The following ZFAND3 variants were observed in gnomAD, a reference collection of about 807,000 sequenced individuals.
ZFAND3 encodes AN1-type zinc finger protein 3.
In ZFAND3, 10 loss-of-function variants were observed where a neutral mutation model predicts 29.6. The ratio of observed to expected loss-of-function variants is 0.34; its 90% CI spans 0.21 to 0.57. The LOEUF is 0.57. ZFAND3 is among the 20% of genes least tolerant of loss of function. The probability of loss-of-function intolerance (pLI) is 0.86; values close to 1 mark genes in which losing one functional copy is unlikely to be tolerated. For missense variants in ZFAND3, 230 were observed against 304.5 expected, an observed-to-expected ratio of 0.76 and a Z score of 1.82; for synonymous variants, 128 against 112.6, an observed-to-expected ratio of 1.14 and a Z score of -0.87.
intron 1 of ZFAND3, among the ~76,000 whole-genome samples, chr6:37,848,295 T>A (rs1764219149): frequency 6.6e-6 from 1 of 152,234 alleles, no homozygotes; most frequent in Admixed American, 6.5e-5. Flanking sequence ...TAGCTTACAT[T>A]GAGATTTGCT....
At chr6:38,036,839 CCTGGTCTG>C (rs1306990272) in intron 2 of ZFAND3, among the ~76,000 whole-genome samples, 6 of 152,046 alleles carry the variant, frequency 3.9e-5, no homozygotes, top group African/African-American at 7.2e-5. Flanking sequence ...GTCTCAAACC[CCTGGTCTG>C]AAGCAATCCT....
intron 3 of ZFAND3, among the ~76,000 whole-genome samples, chr6:38,072,728 G>T (rs1764480737): frequency 6.6e-6 from 1 of 152,078 alleles, no homozygotes; most frequent in Admixed American, 6.5e-5. Flanking sequence ...AATTGTGCTT[G>T]TGAACTTCTT....
chr6:37,926,529 C>T (rs1397833676), intron 1 of ZFAND3, among the ~76,000 whole-genome samples: 2 of 152,188 alleles, frequency 1.3e-5, no homozygotes, highest in African/African-American at 4.8e-5. Flanking sequence ...GCCTCTCTCT[C>T]TTGTGATGTC....
At position 37,930,096 on chromosome 6, in the gene ZFAND3, T is replaced by G. The variant is rs552694087; in HGVS notation, c.112+97T>G. ...GACTAAATCATTTGACCCTAAAGGA[T>G]TTATGCATGGGGTTTTGTTTTCTTA... On this transcript the variant is annotated intron_variant, in intron 2 of 5. Coordinates refer to ENST00000287218, the MANE Select transcript of ZFAND3 (RefSeq NM_021943.3). 245 of 1,205,168 alleles carry G rather than the reference T, an allele frequency of 2.0e-4. 1 individual carries two copies. The highest frequency in any genetic ancestry group is 1.5e-3 in the Middle Eastern group (5 of 3,416). 74.7% of individuals were successfully genotyped at this position (1,205,168 alleles called of 1,614,324 possible).
At chr6:38,059,604 G>A (rs1027491547) in intron 2 of ZFAND3, among the ~76,000 whole-genome samples, 2 of 152,138 alleles carry the variant, frequency 1.3e-5, no homozygotes, top group African/African-American at 2.4e-5. Flanking sequence ...GGCCACAGGC[G>A]CTGTGGCTCA....
chr6:38,028,889 C>G (rs1430087667), intron 2 of ZFAND3, among the ~76,000 whole-genome samples: 2 of 152,100 alleles, frequency 1.3e-5, no homozygotes, highest in Non-Finnish European at 2.9e-5. Context: ...CAGAATAGTC[C>G]ATTCCAAATC....
intron 1 of ZFAND3, among the ~76,000 whole-genome samples, chr6:37,883,956 A>G (rs1180778359): frequency 6.9e-6 from 1 of 145,624 alleles, no homozygotes; most frequent in Non-Finnish European, 1.5e-5. Context: ...TCTGAAGGTT[A>G]TAGTCATCCT....
chr6:38,062,585 T>C (rs1764262972), intron 3 of ZFAND3: 3 of 152,132 alleles, frequency 2.0e-5, no homozygotes, highest in African/African-American at 7.2e-5. Context: ...TTGGCCAAGC[T>C]GGTCTCGAAC....
chr6:37,979,522 G>A (rs1488956926), intron 2 of ZFAND3, among the ~76,000 whole-genome samples: 1 of 152,144 alleles, frequency 6.6e-6, no homozygotes, highest in Non-Finnish European at 1.5e-5. Flanking sequence ...TTGGAGAGGT[G>A]CTCAATGTAG....
chr6:37,835,805 T>TA (rs1177315746), intron 1 of ZFAND3, among the ~76,000 whole-genome samples: 2 of 152,184 alleles, frequency 1.3e-5, no homozygotes, highest in Non-Finnish European at 2.9e-5. Flanking sequence ...TTTTTTCAGT[T>TA]AACGTATCTT....
chr6:38,009,837 G>T (rs1036954514), intron 2 of ZFAND3, among the ~76,000 whole-genome samples: 9 of 152,126 alleles, frequency 5.9e-5, no homozygotes, highest in Non-Finnish European at 5.9e-5. Flanking sequence ...TAACAAATAG[G>T]TTAGAGTTAC....
intron 5 of ZFAND3, among the ~76,000 whole-genome samples, chr6:38,133,441 T>G (rs1686013579): frequency 6.6e-6 from 1 of 152,114 alleles, no homozygotes; most frequent in Non-Finnish European, 1.5e-5. Flanking sequence ...GTTATATCAT[T>G]TGACTCTTAA....
In ZFAND3 at chr6:37,819,823, C is replaced by G; in HGVS notation, c.-123C>G. ...CCGGACTCGCGCCCGCCCGCGCGCC[C>G]GCTCCTTCCCCCTCCCCCCGCCCCG... On this transcript the variant is annotated 5_prime_UTR_variant, in exon 1 of 6. Coordinates refer to ENST00000287218, the MANE Select transcript of ZFAND3 (RefSeq NM_021943.3). The G allele has an allele frequency of 1.6e-6, 1 of 623,896 alleles. No individual in the cohort carries two copies. Among genetic ancestry groups the G allele is most frequent in the East Asian group, 7.6e-5 (1 of 13,076 alleles). 38.6% of individuals were successfully genotyped at this position (623,896 alleles called of 1,614,324 possible). A position where few individuals can be genotyped will look rare whatever the true frequency, so the allele number is the denominator to read the frequency against.
intron 2 of ZFAND3, among the ~76,000 whole-genome samples, chr6:38,022,724 A>G (rs971893761): frequency 7.2e-5 from 11 of 152,204 alleles, no homozygotes; most frequent in African/African-American, 2.4e-4. Context: ...TTGCTTTTCT[A>G]TCCCTTTACC....
At chr6:38,000,495 A>T (rs1453986050) in intron 2 of ZFAND3, among the ~76,000 whole-genome samples, 1 of 152,180 alleles carries the variant, frequency 6.6e-6, no homozygotes, top group Admixed American at 6.6e-5. Context: ...ACAAAGGAGA[A>T]GCAGAGACAC....
intron 1 of ZFAND3, among the ~76,000 whole-genome samples, chr6:37,861,460 C>T (rs1266111203): frequency 2.6e-5 from 4 of 151,688 alleles, no homozygotes; most frequent in Admixed American, 2.0e-4. Context: ...ATAAAAAAGA[C>T]GAGTAGGAAA....
intron 5 of ZFAND3, among the ~76,000 whole-genome samples, chr6:38,141,791 A>C (rs1765961763): frequency 6.6e-6 from 1 of 152,200 alleles, no homozygotes; most frequent in African/African-American, 2.4e-5. Context: ...TGATGGGGGA[A>C]GGGGGTCAGA....
At chr6:37,851,360 G>A (rs376636202) in intron 1 of ZFAND3, among the ~76,000 whole-genome samples, 1 of 151,992 alleles carries the variant, frequency 6.6e-6, no homozygotes, top group African/African-American at 2.4e-5. Context: ...TTCATTTGTG[G>A]CCTTTGGAAA....
chr6:37,888,801 C>T (rs1430636220), intron 1 of ZFAND3, among the ~76,000 whole-genome samples: 2 of 152,096 alleles, frequency 1.3e-5, no homozygotes, highest in Non-Finnish European at 2.9e-5. Context: ...TGAAAGTGGC[C>T]TAAAAAATGC....
Sources: allele counts gnomAD v4.1 joint callset (sites outside exome capture counted in the v4.1 genomes callset), GRCh38; gene constraint gnomAD v4.1.1; transcripts MANE v1.5; gene names NCBI Gene and HGNC (gene_info 2026-07-23, HGNC 2026-07-21).